Variants in TMEM19 observed in about 807,000 individuals in gnomAD.
The protein encoded by TMEM19 is transmembrane protein 19.
In TMEM19, 21 loss-of-function variants were observed where a neutral mutation model predicts 33.6. The observed-to-expected ratio is 0.62, with a 90% CI of 0.44 to 0.90. The LOEUF (loss-of-function observed/expected upper bound fraction) is 0.90, where lower values mean the gene tolerates loss of function less well. TMEM19 is among the 40% of genes least tolerant of loss of function. The probability of loss-of-function intolerance (pLI) is 0.00; values close to 1 mark genes in which losing one functional copy is unlikely to be tolerated. For missense variants in TMEM19, 402 were observed against 401.8 expected, an observed-to-expected ratio of 1.00 and a Z score of 0.00; for synonymous variants, 149 against 147.5, an observed-to-expected ratio of 1.01 and a Z score of -0.07.
At position 71,699,009 on chromosome 12, in the gene TMEM19, C is replaced by T. The variant is rs1881929836; in HGVS notation, c.747C>T (p.Asp249=). 2.5e-6 allele frequency: 4 copies of T among 1,614,158 alleles called. No individual in the cohort carries two copies. Among genetic ancestry groups the T allele is most frequent in the Non-Finnish European group, 1.7e-6 (2 of 1,180,030 alleles). The part of the protein sequence containing the change: ...LTQLIFVNDL[D]ISAPQWPIIA... ...AGCTGATTTTTGTGAATGATTTAGA[C>T]ATTTCTGCCCCGCAGTGGCCAATTA... The change falls in exon 5 of 6, where the codon GAC becomes GAT. Residue 249 remains aspartate (D), a synonymous_variant. Coordinates refer to ENST00000266673, the MANE Select transcript of TMEM19 (RefSeq NM_018279.4).
At chr12:71,688,611 C>T (rs896133011) in intron 1 of TMEM19, among the ~76,000 whole-genome samples, 7 of 152,048 alleles carry the variant, frequency 4.6e-5, no homozygotes, top group African/African-American at 7.2e-5. Context: ...TTTGCCTTGG[C>T]GTTTAGGAGC....
chr12:71,686,492 T>G lies in TMEM19; in HGVS notation c.-189T>G. On this transcript the variant is annotated 5_prime_UTR_variant, in exon 1 of 6. Coordinates refer to ENST00000266673, the MANE Select transcript of TMEM19 (RefSeq NM_018279.4). Reference sequence around the variant, plus strand: ...GAGGCGTTGACCACGCCCATATGAATTGGAGCTCTCCGCCAGTAGGAGTTT... The same window carrying G: ...GAGGCGTTGACCACGCCCATATGAAGTGGAGCTCTCCGCCAGTAGGAGTTT... 1 of 551,856 alleles carries G rather than the reference T, an allele frequency of 1.8e-6. No individual in the cohort carries two copies. Among genetic ancestry groups the G allele is most frequent in the East Asian group, 4.0e-5 (1 of 24,996 alleles). 34.2% of individuals were successfully genotyped at this position (551,856 alleles called of 1,614,324 possible). A position where few individuals can be genotyped will look rare whatever the true frequency, so the allele number is the denominator to read the frequency against.
rs1164254178 is a variant in TMEM19, at chr12:71,700,523, A to G, written c.848-309A>G. ...CTCTGCTTTTCATGTTCTCTCTTCC[A>G]CTTCTGAAGCAATTCCAGAGGTATT... On this transcript the variant is annotated intron_variant, in intron 5 of 5. Transcript: ENST00000266673. 3.3e-5 allele frequency among the ~76,000 whole-genome samples: 5 copies of G among 152,080 alleles called. No individual in the cohort carries two copies. In the East Asian group the frequency reaches 7.7e-4, roughly 23 times the overall value.
At chr12:71,694,123 C>A (rs1448698378) in intron 2 of TMEM19, among the ~76,000 whole-genome samples, 1 of 152,168 alleles carries the variant, frequency 6.6e-6, no homozygotes, top group African/African-American at 2.4e-5. Context: ...TAGAACCATT[C>A]ATGACAGAAA....
Position 71,701,109 on chromosome 12 carries a change from G to C in TMEM19, c.*114G>C. ...CAAAGCGGAAATGCCAGTTCCTCCT[G>C]TATTCCATTGAGATGGGATTTCACA... On this transcript the variant is annotated 3_prime_UTR_variant, in exon 6 of 6. Transcript: ENST00000266673. The C allele has an allele frequency of 9.3e-7, 1 of 1,080,634 alleles. No individual in the cohort carries two copies. The allele number at this position is 1,080,634 out of a possible 1,614,324, so 66.9% of individuals were successfully genotyped here.
rs1881973432 is a variant in TMEM19, at chr12:71,701,238, CA to C, written c.*245del. 5.6e-6 allele frequency: 2 copies of C among 357,736 alleles called. No individual in the cohort carries two copies. The highest frequency in any genetic ancestry group is 4.2e-5 in the African/African-American group (2 of 47,984). The allele number at this position is 357,736 out of a possible 1,614,324, so 22.2% of individuals were successfully genotyped here. On this transcript the variant is annotated 3_prime_UTR_variant, in exon 6 of 6. Transcript: ENST00000266673. ...TTTCCTGCTGAATGGAAGTCTTGAGCAATGAAGCTATATTGTCCCTACATAT... is the reference window on the plus strand; with the variant it reads ...TTTCCTGCTGAATGGAAGTCTTGAGCATGAAGCTATATTGTCCCTACATAT...
Position 71,701,170 on chromosome 12 carries a change from T to C in TMEM19, c.*175T>C. On this transcript the variant is annotated 3_prime_UTR_variant, in exon 6 of 6. Coordinates refer to ENST00000266673, the MANE Select transcript of TMEM19 (RefSeq NM_018279.4). ...ATCAACTCCCCTGTAATAGCTAGCG[T>C]CTTTCTAGTGAAAGAGAAGAATTCC... 1 of 546,766 alleles carries C rather than the reference T, an allele frequency of 1.8e-6. No homozygotes were observed. The highest frequency in any genetic ancestry group is 3.2e-5 in the East Asian group (1 of 31,160). 33.9% of individuals were successfully genotyped at this position (546,766 alleles called of 1,614,324 possible).
intron 2 of TMEM19, among the ~76,000 whole-genome samples, chr12:71,690,894 A>G (rs1186216698): frequency 6.6e-6 from 1 of 152,208 alleles, no homozygotes; most frequent in Non-Finnish European, 1.5e-5. Context: ...AGTGAGAGAT[A>G]AAATTGAATA....
chr12:71,697,999 A>G (rs1881904912), intron 4 of TMEM19, among the ~76,000 whole-genome samples: 1 of 152,226 alleles, frequency 6.6e-6, no homozygotes. Flanking sequence ...GGAAATGTTC[A>G]TTGGAACATT....
intron 2 of TMEM19, among the ~76,000 whole-genome samples, chr12:71,694,516 T>G (rs1164110891): frequency 6.6e-6 from 1 of 152,222 alleles, no homozygotes; most frequent in Non-Finnish European, 1.5e-5. Flanking sequence ...TGAGCCAGAA[T>G]GCCACTTCAT....
rs57148356 is a variant in TMEM19 at position 71,703,187 on chromosome 12, C to CAAAAAAAAAAAAAAAAAAAAA, written c.*2211_*2231dup. 3 of 47,190 alleles carry CAAAAAAAAAAAAAAAAAAAAA rather than the reference C, an allele frequency of 6.4e-5. No individual in the cohort carries two copies. Among genetic ancestry groups the CAAAAAAAAAAAAAAAAAAAAA allele is most frequent in the South Asian group, 6.0e-4 (1 of 1,676 alleles). 2.9% of individuals were successfully genotyped at this position (47,190 alleles called of 1,614,324 possible). ...GGGAGACTCCATCTAGACTCCATCT[C>CAAAAAAAAAAAAAAAAAAAAA]AAAAAAAAAAAAAAAAAAAAAAAAA... On this transcript the variant is annotated 3_prime_UTR_variant, in exon 6 of 6. Transcript: ENST00000266673.
At chr12:71,688,246 T>G (rs910969227) in intron 1 of TMEM19, among the ~76,000 whole-genome samples, 4 of 152,204 alleles carry the variant, frequency 2.6e-5, no homozygotes, top group African/African-American at 9.7e-5. Context: ...CATTTCCCCT[T>G]TATTTTTCTG....
intron 4 of TMEM19, among the ~76,000 whole-genome samples, chr12:71,698,599 T>C (rs1881917441): frequency 8.6e-6 from 1 of 116,738 alleles, no homozygotes; most frequent in Non-Finnish European, 1.6e-5. Context: ...CAAAACCTTG[T>C]CTCTGAAAAG....
At chr12:71,699,956 T>C (rs1036079842) in intron 5 of TMEM19, 2 of 152,270 alleles carry the variant, frequency 1.3e-5, no homozygotes, top group African/African-American at 4.8e-5. Flanking sequence ...TCACATATTC[T>C]GTTAGGTGTG....
At chr12:71,697,655 T>C (rs1461509976) in intron 4 of TMEM19, 121 bp downstream of exon 4, 1 of 1,257,560 alleles carries the variant, frequency 8.0e-7, no homozygotes, top group African/African-American at 1.6e-5. Flanking sequence ...TTAAGAACTT[T>C]ATTTAGTCTC....
intron 4 of TMEM19, 145 bp downstream of exon 4, chr12:71,697,679 T>G (rs1308731545): frequency 9.2e-7 from 1 of 1,092,680 alleles, no homozygotes; most frequent in African/African-American, 1.7e-5. Flanking sequence ...AAATAATAAT[T>G]GGAAAATTTC....
intron 2 of TMEM19, 90 bp from the exon 3 acceptor site, chr12:71,696,341 TTATAA>T: frequency 6.1e-6 from 7 of 1,156,670 alleles, no homozygotes; most frequent in Non-Finnish European, 8.3e-6. Context: ...ACATTTCAGG[TTATAA>T]TATAAAAATA....
At chr12:71,700,532 G>A (rs569440823) in intron 5 of TMEM19, among the ~76,000 whole-genome samples, 5 of 152,206 alleles carry the variant, frequency 3.3e-5, no homozygotes, top group Admixed American at 3.3e-4. Flanking sequence ...CACTTCTGAA[G>A]CAATTCCAGA....
At chr12:71,697,181 TTTC>T (rs754075773) in intron 3 of TMEM19, 96 bp from the exon 4 acceptor site, 257 of 1,476,120 alleles carry the variant, frequency 1.7e-4, no homozygotes, top group Non-Finnish European at 2.2e-4. Context: ...TTTTGTTGTT[TTTC>T]TTTTCTTAAA....
Sources: allele counts gnomAD v4.1 joint callset (sites outside exome capture counted in the v4.1 genomes callset), GRCh38; gene constraint gnomAD v4.1.1; transcripts MANE v1.5; gene names NCBI Gene and HGNC (gene_info 2026-07-23, HGNC 2026-07-21).